PIWIL4: variants seen among roughly 807,000 people sequenced by gnomAD.
PIWIL4 encodes piwi-like protein 4.
A neutral mutation model predicts 100.9 loss-of-function variants in PIWIL4; 50 were observed. That is an observed-to-expected ratio of 0.50 (90% CI 0.39 to 0.63). The LOEUF is 0.63. Ranked by LOEUF, PIWIL4 falls within the 20% of genes least tolerant of loss-of-function variation. PIWIL4 has a pLI of 0.00. For synonymous variants in PIWIL4, 342 were observed against 367.5 expected (o/e 0.93, Z 0.79); for missense variants, 887 against 1,043.3 (o/e 0.85, Z 2.06).
chr11:94,580,077 CT>C (rs1471060291), intron 4 of PIWIL4, among the ~76,000 whole-genome samples: 1 of 152,148 alleles, frequency 6.6e-6, no homozygotes, highest in Non-Finnish European at 1.5e-5. Flanking sequence ...TGTCAAACAC[CT>C]TTCTGTTGCT....
intron 9 of PIWIL4, among the ~76,000 whole-genome samples, chr11:94,594,095 T>C (rs1446300202): frequency 6.6e-6 from 1 of 152,180 alleles, no homozygotes; most frequent in Non-Finnish European, 1.5e-5. Context: ...GCCTAGGAAG[T>C]GAAGACTTTC....
intron 5 of PIWIL4, among the ~76,000 whole-genome samples, chr11:94,584,148 T>A (rs1948365308): frequency 6.6e-6 from 1 of 152,208 alleles, no homozygotes; most frequent in Admixed American, 6.5e-5. Context: ...GGACCTTCAC[T>A]GAATCTAGTT....
chr11:94,620,451 C>T (rs768371408), intron 19 of PIWIL4, among the ~76,000 whole-genome samples: 57 of 152,278 alleles, frequency 3.7e-4, no homozygotes, highest in Non-Finnish European at 5.3e-4. Flanking sequence ...TTGTTATTTA[C>T]ATGTTACAGA....
chr11:94,615,370 T>C lies in PIWIL4; in HGVS notation c.1944-1123T>C, dbSNP rs1948834201. Among the ~76,000 whole-genome samples the C allele has an allele frequency of 2.6e-5, 4 of 152,296 alleles. No individual in the cohort carries two copies. The South Asian group carries it at 8.3e-4, about 32-fold the overall frequency. On this transcript the variant is annotated intron_variant, in intron 15 of 19. Transcript: ENST00000299001. The stretch of plus-strand genomic sequence containing the variant: ...TGTGCCCTCCGTAGGGGAGGAGCAA[T>C]GCAGGTAAAGTGAATCTCTTTGTGT...
intron 15 of PIWIL4, among the ~76,000 whole-genome samples, chr11:94,610,989 T>C (rs948237746): frequency 6.6e-6 from 1 of 152,220 alleles, no homozygotes; most frequent in African/African-American, 2.4e-5. Context: ...TTTTTACATG[T>C]GAATATCTAG....
At chr11:94,600,597 C>T (rs572872236) in intron 11 of PIWIL4, among the ~76,000 whole-genome samples, 49 of 152,232 alleles carry the variant, frequency 3.2e-4, no homozygotes, top group Admixed American at 6.5e-4. Flanking sequence ...AATAAAGTTT[C>T]GGGCACCGTT....
intron 2 of PIWIL4, among the ~76,000 whole-genome samples, chr11:94,570,826 C>T (rs922971925): frequency 4.6e-5 from 7 of 152,022 alleles, no homozygotes; most frequent in South Asian, 2.1e-4. Context: ...CGGGAAGTGG[C>T]GGTTGCAGTA....
At chr11:94,582,518 T>C (rs989369880) in intron 4 of PIWIL4, among the ~76,000 whole-genome samples, 1 of 152,230 alleles carries the variant, frequency 6.6e-6, no homozygotes, top group Non-Finnish European at 1.5e-5. Flanking sequence ...AGAGGCAGAA[T>C]ACATAAATGC....
rs1386710477 is a variant in PIWIL4, at chr11:94,587,266, A to G, written c.914+19A>G. 2 of 1,598,180 alleles carry G rather than the reference A, an allele frequency of 1.3e-6. No individual in the cohort carries two copies. The highest frequency in any genetic ancestry group is 1.7e-5 in the Admixed American group (1 of 57,742). ...TTACAAGGTACAAGCCTGCGTCTAA[A>G]TAAACTTTTCTTCAGAAATCAATCA... On this transcript the variant is annotated intron_variant, in intron 7 of 19. Coordinates refer to ENST00000299001, the MANE Select transcript of PIWIL4 (RefSeq NM_152431.3).
At chr11:94,598,052 A>C (rs1032475638) in intron 11 of PIWIL4, 137 bp downstream of exon 11, 1 of 637,918 alleles carries the variant, frequency 1.6e-6, no homozygotes, top group Admixed American at 2.8e-5. Flanking sequence ...CTAAGACTTC[A>C]GATCCCCTGT....
intron 4 of PIWIL4, among the ~76,000 whole-genome samples, chr11:94,580,890 C>CTTTTT (rs956802836): frequency 1.9e-4 from 15 of 78,964 alleles, no homozygotes; most frequent in East Asian, 8.3e-4. Flanking sequence ...CTCTGCCAGG[C>CTTTTT]TTTTTTTTTT....
chr11:94,611,476 C>T (rs1276551870), intron 15 of PIWIL4, among the ~76,000 whole-genome samples: 1 of 151,926 alleles, frequency 6.6e-6, no homozygotes, highest in Non-Finnish European at 1.5e-5. Context: ...TTGCAGTTTT[C>T]CTCCATTATT....
intron 13 of PIWIL4, among the ~76,000 whole-genome samples, chr11:94,607,140 G>T (rs1434674140): frequency 6.6e-6 from 1 of 152,072 alleles, no homozygotes; most frequent in African/African-American, 2.4e-5. Flanking sequence ...GAATTTGAGG[G>T]AATTGACAGA....
At chr11:94,577,956 A>G (rs1948261604) in intron 4 of PIWIL4, among the ~76,000 whole-genome samples, 1 of 152,134 alleles carries the variant, frequency 6.6e-6, no homozygotes, top group Admixed American at 6.5e-5. Context: ...CTTTCCAGGG[A>G]AGCTTTCCTG....
At chr11:94,602,804 T>C (rs1948661413) in intron 12 of PIWIL4, among the ~76,000 whole-genome samples, 3 of 152,210 alleles carry the variant, frequency 2.0e-5, no homozygotes, top group Admixed American at 6.5e-5. Flanking sequence ...TTTAACACCA[T>C]TGTTTAGAAC....
intron 4 of PIWIL4, among the ~76,000 whole-genome samples, chr11:94,582,301 G>A (rs16912568): frequency 0.12 from 18,445 of 152,168 alleles, 1,197 homozygotes; most frequent in South Asian, 0.19. Context: ...GTCTGCCAGA[G>A]TTTTCCCCAT....
chr11:94,599,909 G>T (rs1206697861), intron 11 of PIWIL4, among the ~76,000 whole-genome samples: 1 of 152,094 alleles, frequency 6.6e-6, no homozygotes, highest in Non-Finnish European at 1.5e-5. Context: ...GATTCAGTGG[G>T]TCTCGGGTGG....
Position 94,585,481 on chromosome 11 carries a change from G to A in PIWIL4, c.672G>A (p.Arg224=), listed in dbSNP as rs764828131. ...LKKLSMYQIG[R]NFYNPSEPME... ...AGTTGTCCATGTACCAAATTGGACGGAACTTCTATAATCCTTCAGAGCCAA... is the reference window on the plus strand; with the variant it reads ...AGTTGTCCATGTACCAAATTGGACGAAACTTCTATAATCCTTCAGAGCCAA... The change falls in exon 6 of 20, where the codon CGG becomes CGA. Residue 224 remains arginine, a synonymous_variant. Coordinates refer to ENST00000299001, the MANE Select transcript of PIWIL4 (RefSeq NM_152431.3). The A allele has an allele frequency of 1.5e-5, 24 of 1,610,412 alleles. No homozygotes were observed. Among genetic ancestry groups the A allele is most frequent in the Non-Finnish European group, 2.0e-5 (24 of 1,178,950 alleles).
chr11:94,605,098 G>A (rs192112983), intron 13 of PIWIL4, among the ~76,000 whole-genome samples: 317 of 152,224 alleles, frequency 2.1e-3, no homozygotes, highest in African/African-American at 5.2e-3. Context: ...TGATGCCCCA[G>A]TGCCCTTGAC....
Sources: allele counts gnomAD v4.1 joint callset (sites outside exome capture counted in the v4.1 genomes callset), GRCh38; gene constraint gnomAD v4.1.1; transcripts MANE v1.5; gene names NCBI Gene and HGNC (gene_info 2026-07-23, HGNC 2026-07-21).